Variants in SERTAD2 observed in about 807,000 individuals in gnomAD.
SERTAD2 encodes the protein SERTA domain-containing protein 2.
Under a neutral mutation model 15.4 loss-of-function variants are expected in SERTAD2, and 2 were observed. The ratio of observed to expected loss-of-function variants is 0.13; its 90% CI spans 0.05 to 0.41. The LOEUF (loss-of-function observed/expected upper bound fraction) is 0.41, where lower values mean the gene tolerates loss of function less well. Among genes scored for constraint, SERTAD2 ranks in the 10% least tolerant of loss-of-function variants. The probability of loss-of-function intolerance (pLI) is 0.99; values close to 1 mark genes in which losing one functional copy is unlikely to be tolerated. For missense variants in SERTAD2, 333 were observed against 409.7 expected, an observed-to-expected ratio of 0.81 and a Z score of 1.62; for synonymous variants, 180 against 178.0, an observed-to-expected ratio of 1.01 and a Z score of -0.09.
intron 1 of SERTAD2, among the ~76,000 whole-genome samples, chr2:64,649,832 G>A (rs546749777): frequency 3.3e-5 from 5 of 152,200 alleles, no homozygotes; most frequent in East Asian, 3.9e-4. Flanking sequence ...CCACGCCTCC[G>A]CATAGCTCAG....
At chr2:64,642,936 A>G (rs1325452530) in intron 1 of SERTAD2, among the ~76,000 whole-genome samples, 1 of 23,402 alleles carries the variant, frequency 4.3e-5, no homozygotes, top group Admixed American at 4.6e-4. Flanking sequence ...AGACTTTTCT[A>G]CTCTGGAGAA....
At chr2:64,641,714 T>G (rs900076361) in intron 1 of SERTAD2, among the ~76,000 whole-genome samples, 2 of 152,154 alleles carry the variant, frequency 1.3e-5, no homozygotes, top group African/African-American at 4.8e-5. Context: ...ATGGGAGGGT[T>G]GCACAGACCT....
chr2:64,653,125 A>G (rs1230540456), intron 1 of SERTAD2, among the ~76,000 whole-genome samples: 4 of 152,198 alleles, frequency 2.6e-5, no homozygotes, highest in African/African-American at 9.6e-5. Context: ...GGTTTTCAAC[A>G]TTATTAAAAA....
chr2:64,645,723 C>G (rs747681066), intron 1 of SERTAD2, among the ~76,000 whole-genome samples: 2 of 152,152 alleles, frequency 1.3e-5, no homozygotes, highest in Non-Finnish European at 2.9e-5. Flanking sequence ...TAGTACACAT[C>G]TGGAAAGAGA....
At chr2:64,642,410 G>GA (rs1226045035) in intron 1 of SERTAD2, among the ~76,000 whole-genome samples, 1 of 151,498 alleles carries the variant, frequency 6.6e-6, no homozygotes, top group African/African-American at 2.4e-5. Context: ...TTGCATTTTG[G>GA]AAAAAAAATG....
intron 1 of SERTAD2, among the ~76,000 whole-genome samples, chr2:64,639,561 A>G (rs1033221995): frequency 6.6e-6 from 1 of 152,196 alleles, no homozygotes; most frequent in African/African-American, 2.4e-5. Flanking sequence ...TTTCTGGAGG[A>G]GAGGTAACAT....
intron 1 of SERTAD2, among the ~76,000 whole-genome samples, chr2:64,648,042 T>C (rs1674941663): frequency 6.6e-6 from 1 of 152,244 alleles, no homozygotes; most frequent in Non-Finnish European, 1.5e-5. Flanking sequence ...AGAAATGTTG[T>C]TTCTTTTACT....
intron 1 of SERTAD2, among the ~76,000 whole-genome samples, chr2:64,638,280 A>G (rs1214665512): frequency 1.6e-4 from 24 of 151,950 alleles, no homozygotes. Context: ...CAATCCTTTA[A>G]TAACTTATCC....
In SERTAD2 at chr2:64,633,976, A is replaced by T. The variant is rs1558649972; in HGVS notation, c.*1951T>A. ...CTTTGCCATGTGCATTACAAAAATA[A>T]AACTAACTATGGCTTGCTTAAAGTG... On this transcript the variant is annotated 3_prime_UTR_variant, in exon 2 of 2. Coordinates refer to ENST00000313349, the MANE Select transcript of SERTAD2 (RefSeq NM_014755.3). The T allele has an allele frequency of 6.6e-6, 1 of 152,630 alleles. No individual in the cohort carries two copies. The highest frequency in any genetic ancestry group is 1.5e-5 in the Non-Finnish European group (1 of 68,042). The allele number at this position is 152,630 out of a possible 1,614,324, so 9.5% of individuals were successfully genotyped here.
chr2:64,641,313 T>C (rs1674772494), intron 1 of SERTAD2, among the ~76,000 whole-genome samples: 1 of 152,182 alleles, frequency 6.6e-6, no homozygotes, highest in Admixed American at 6.5e-5. Flanking sequence ...TTTGGGGCTT[T>C]GCAATTCCAG....
intron 1 of SERTAD2, among the ~76,000 whole-genome samples, chr2:64,641,798 A>G (rs1033627743): frequency 1.3e-5 from 2 of 152,190 alleles, no homozygotes; most frequent in African/African-American, 4.8e-5. Context: ...AGTAGGCAGG[A>G]AAGCTCCAGC....
intron 1 of SERTAD2, chr2:64,646,337 CAT>C (rs1420602137): frequency 1.3e-5 from 2 of 151,796 alleles, no homozygotes; most frequent in Non-Finnish European, 2.9e-5. Flanking sequence ...TAAATTAAAA[CAT>C]ATAAAATGAG....
At chr2:64,637,476 G>A (rs1674685682) in intron 1 of SERTAD2, among the ~76,000 whole-genome samples, 1 of 152,206 alleles carries the variant, frequency 6.6e-6, no homozygotes, top group South Asian at 2.1e-4. Flanking sequence ...GTGAAGCACT[G>A]CACCTGTGTT....
chr2:64,641,654 G>A (rs1674781005), intron 1 of SERTAD2, among the ~76,000 whole-genome samples: 1 of 152,208 alleles, frequency 6.6e-6, no homozygotes. Flanking sequence ...CCAGGTGTGT[G>A]TGTGTGTGTC....
rs1674639741 is a variant in SERTAD2, at chr2:64,635,533, A to G, written c.*394T>C. On this transcript the variant is annotated 3_prime_UTR_variant, in exon 2 of 2. Coordinates refer to ENST00000313349, the MANE Select transcript of SERTAD2 (RefSeq NM_014755.3). ...GAGATTATCTAAATAAGATATATAT[A>G]TATAGTTTTCTTCTTTACCTCTTGC... is the stretch of plus-strand genomic sequence containing the variant. 1 of 170,884 alleles carries G rather than the reference A, an allele frequency of 5.9e-6. No homozygotes were observed. The highest frequency in any genetic ancestry group is 1.3e-5 in the Non-Finnish European group (1 of 76,948). The allele number at this position is 170,884 out of a possible 1,614,324, so 10.6% of individuals were successfully genotyped here. A position where few individuals can be genotyped will look rare whatever the true frequency, so the allele number is the denominator to read the frequency against.
At chr2:64,652,480 C>T (rs562191147) in intron 1 of SERTAD2, among the ~76,000 whole-genome samples, 14 of 152,332 alleles carry the variant, frequency 9.2e-5, no homozygotes, top group Non-Finnish European at 1.8e-4. Flanking sequence ...CCTCAGGAAT[C>T]CTGGTGACTA....
chr2:64,641,774 C>G lies in SERTAD2; in HGVS notation c.-4-4899G>C, dbSNP rs554820277. Among the ~76,000 whole-genome samples, 13 of 152,276 alleles carry G rather than the reference C, an allele frequency of 8.5e-5. 1 individual carries two copies. In the East Asian group the frequency reaches 2.3e-3, roughly 27 times the overall value. On this transcript the variant is annotated intron_variant, in intron 1 of 1. Transcript: ENST00000313349. ...GGATCAGGGTCGCGCAATGCACCAG[C>G]AGCTGAGATATGGAGTAGGCAGGAA... is the stretch of plus-strand genomic sequence containing the variant.
intron 1 of SERTAD2, among the ~76,000 whole-genome samples, chr2:64,638,505 G>C (rs1243978185): frequency 3.3e-5 from 5 of 152,222 alleles, no homozygotes; most frequent in Non-Finnish European, 5.9e-5. Context: ...CTCAAGGCCA[G>C]TATACAGGTA....
At chr2:64,649,049 C>A (rs1054850048) in intron 1 of SERTAD2, among the ~76,000 whole-genome samples, 10 of 152,110 alleles carry the variant, frequency 6.6e-5, no homozygotes, top group African/African-American at 2.4e-4. Context: ...ATCTGAAAAG[C>A]AAATCTGTAT....
Sources: allele counts gnomAD v4.1 joint callset (sites outside exome capture counted in the v4.1 genomes callset), GRCh38; gene constraint gnomAD v4.1.1; transcripts MANE v1.5; gene names NCBI Gene and HGNC (gene_info 2026-07-23, HGNC 2026-07-21).